The following STK39 variants were observed in gnomAD, a reference collection of about 807,000 sequenced individuals.
STK39 encodes the protein serine/threonine kinase 39, also known as STE20/SPS1-related proline-alanine-rich protein kinase.
In STK39, 20 loss-of-function variants were observed where a neutral mutation model predicts 77.8. The ratio of observed to expected loss-of-function variants is 0.26; its 90% CI spans 0.18 to 0.37. The LOEUF (loss-of-function observed/expected upper bound fraction) is 0.37, where lower values mean the gene tolerates loss of function less well. Ranked by LOEUF, STK39 falls within the 10% of genes least tolerant of loss-of-function variation. The probability of loss-of-function intolerance (pLI) is 1.00; values close to 1 mark genes in which losing one functional copy is unlikely to be tolerated. For missense variants in STK39, 479 were observed against 656.5 expected, an observed-to-expected ratio of 0.73 and a Z score of 2.95; for synonymous variants, 246 against 234.1, an observed-to-expected ratio of 1.05 and a Z score of -0.47.
intron 1 of STK39, among the ~76,000 whole-genome samples, chr2:168,235,701 G>T (rs913612040): frequency 6.8e-6 from 1 of 147,756 alleles, no homozygotes; most frequent in African/African-American, 2.5e-5. Flanking sequence ...GAGAACATGC[G>T]GTGTTTGATT....
At chr2:168,063,621 TGAA>T (rs747869951) in intron 13 of STK39, 51 bp from the exon 14 acceptor site, 1 of 1,505,156 alleles carries the variant, frequency 6.6e-7, no homozygotes, top group Non-Finnish European at 9.1e-7. Context: ...AGGAAAGGAA[TGAA>T]TAAAATCACA....
chr2:168,146,382 G>T (rs1348682099), intron 5 of STK39, among the ~76,000 whole-genome samples: 2 of 152,222 alleles, frequency 1.3e-5, no homozygotes, highest in East Asian at 3.9e-4. Context: ...AGTTGTGCAT[G>T]AACAACATTG....
chr2:168,145,561 T>C (rs1484889170), intron 5 of STK39, among the ~76,000 whole-genome samples: 1 of 152,224 alleles, frequency 6.6e-6, no homozygotes, highest in African/African-American at 2.4e-5. Context: ...CCTTTCTTAC[T>C]GTAGTTGGCA....
intron 5 of STK39, among the ~76,000 whole-genome samples, chr2:168,146,833 G>C (rs1340653604): frequency 1.3e-5 from 2 of 152,214 alleles, no homozygotes; most frequent in African/African-American, 2.4e-5. Context: ...TATATGAATA[G>C]AGAGGTTGGA....
At chr2:168,195,300 T>G (rs1689440297) in intron 1 of STK39, among the ~76,000 whole-genome samples, 1 of 152,176 alleles carries the variant, frequency 6.6e-6, no homozygotes, top group Admixed American at 6.5e-5. Context: ...CTTGGAAGGC[T>G]GTGGTGGGAA....
At chr2:168,170,550 C>T (rs570982017) in intron 2 of STK39, among the ~76,000 whole-genome samples, 22 of 152,312 alleles carry the variant, frequency 1.4e-4, no homozygotes, top group Admixed American at 8.5e-4. Context: ...TTCGGAAGGG[C>T]TGCAGTGCGG....
chr2:168,122,147 G>A (rs554704198), intron 10 of STK39, among the ~76,000 whole-genome samples: 1 of 152,290 alleles, frequency 6.6e-6, no homozygotes, highest in South Asian at 2.1e-4. Context: ...AATAAGTGTG[G>A]TGCCCAGTAA....
At chr2:168,239,063 C>G (rs1279292822) in intron 1 of STK39, among the ~76,000 whole-genome samples, 1 of 152,150 alleles carries the variant, frequency 6.6e-6, no homozygotes, top group African/African-American at 2.4e-5. Flanking sequence ...CCTATCATGT[C>G]AGTCCCTTAT....
chr2:168,080,561 C>A (rs951857955), intron 10 of STK39, among the ~76,000 whole-genome samples: 7 of 151,688 alleles, frequency 4.6e-5, no homozygotes, highest in Middle Eastern at 3.2e-3. Context: ...ACCTGGGAGG[C>A]GGAGTTTGCA....
chr2:168,039,572 C>G (rs1337305521), intron 14 of STK39, among the ~76,000 whole-genome samples: 1 of 17,172 alleles, frequency 5.8e-5, no homozygotes, highest in African/African-American at 1.3e-4. Context: ...GCAGTCCGAC[C>G]TGGGCGACAG....
chr2:168,177,397 C>T (rs1354155882), intron 2 of STK39, among the ~76,000 whole-genome samples: 1 of 151,760 alleles, frequency 6.6e-6, no homozygotes, highest in Admixed American at 6.6e-5. Flanking sequence ...GAATGGGTAC[C>T]AAAGGCAGAC....
intron 14 of STK39, 71 bp from the exon 15 acceptor site, chr2:168,017,166 T>C (rs1684432173): frequency 9.4e-7 from 1 of 1,062,688 alleles, no homozygotes; most frequent in African/African-American, 1.6e-5. Flanking sequence ...TGTATTCAGA[T>C]TTTCACAAGA....
At chr2:168,200,498 C>T (rs1689585583) in intron 1 of STK39, among the ~76,000 whole-genome samples, 1 of 142,214 alleles carries the variant, frequency 7.0e-6, no homozygotes, top group African/African-American at 2.8e-5. Context: ...AACCCCATCT[C>T]TACTAAAAAT....
chr2:167,959,051 C>A (rs752012383), intron 17 of STK39, among the ~76,000 whole-genome samples: 1 of 152,128 alleles, frequency 6.6e-6, no homozygotes, highest in African/African-American at 2.4e-5. Flanking sequence ...TTTCCAAAAT[C>A]CTATTTTTGC....
chr2:168,134,822 T>C (rs910209588), intron 8 of STK39, among the ~76,000 whole-genome samples: 1 of 152,168 alleles, frequency 6.6e-6, no homozygotes, highest in South Asian at 2.1e-4. Context: ...TCTCGCAATA[T>C]TTTTTCACTC....
intron 6 of STK39, 55 bp downstream of exon 6, chr2:168,140,594 T>C: frequency 7.2e-7 from 1 of 1,387,810 alleles, no homozygotes; most frequent in East Asian, 2.3e-5. Flanking sequence ...AGCATATTAA[T>C]GATCTGTACG....
chr2:168,234,003 C>T (rs1690529783), intron 1 of STK39, among the ~76,000 whole-genome samples: 2 of 152,136 alleles, frequency 1.3e-5, no homozygotes, highest in African/African-American at 2.4e-5. Flanking sequence ...TCACCACACA[C>T]AAGAATACTC....
intron 13 of STK39, among the ~76,000 whole-genome samples, chr2:168,064,931 C>T (rs976188134): frequency 2.0e-5 from 3 of 152,126 alleles, no homozygotes; most frequent in Admixed American, 6.5e-5. Flanking sequence ...GTTGTAGAGA[C>T]GAATTGGCCC....
intron 14 of STK39, 31 bp from the exon 15 acceptor site, chr2:168,017,126 T>A (rs746528388): frequency 6.7e-7 from 1 of 1,502,434 alleles, no homozygotes; most frequent in Non-Finnish European, 9.1e-7. Flanking sequence ...TACATTAAAG[T>A]CTAGGGAAGC....
Sources: gnomAD v4.1 joint callset for allele counts (sites outside exome capture counted in the v4.1 genomes callset) on GRCh38, gnomAD v4.1.1 for gene constraint, MANE v1.5 for transcripts, NCBI Gene and HGNC (gene_info 2026-07-23, HGNC 2026-07-21) for gene names.